Variants in DDX60 observed in about 807,000 individuals in gnomAD.
DDX60 encodes DExD/H-box helicase 60.
DDX60 carries 165 observed loss-of-function variants against 212.8 expected under a neutral mutation model. The observed-to-expected ratio is 0.78, with a 90% CI of 0.68 to 0.88. DDX60 has a LOEUF of 0.88. DDX60 is among the 40% of genes least tolerant of loss of function. The probability of loss-of-function intolerance (pLI) is 0.00; values close to 1 mark genes in which losing one functional copy is unlikely to be tolerated. For missense variants in DDX60, 1,905 were observed against 2,003.9 expected, an observed-to-expected ratio of 0.95 and a Z score of 0.94; for synonymous variants, 703 against 685.3, an observed-to-expected ratio of 1.03 and a Z score of -0.40.
chr4:168,248,700 A>ATG (rs1734106364), intron 28 of DDX60, among the ~76,000 whole-genome samples: 2 of 152,132 alleles, frequency 1.3e-5, no homozygotes, highest in African/African-American at 4.8e-5. Flanking sequence ...ACTCCAAGCA[A>ATG]GATTCATTAT....
At chr4:168,236,659 A>G (rs955886831) in intron 32 of DDX60, among the ~76,000 whole-genome samples, 25 of 151,998 alleles carry the variant, frequency 1.6e-4, no homozygotes, top group African/African-American at 5.5e-4. Flanking sequence ...TTTAAGAACT[A>G]CCATATAGAT....
intron 6 of DDX60, among the ~76,000 whole-genome samples, chr4:168,296,971 C>T (rs1033205355): frequency 5.3e-5 from 8 of 149,572 alleles, no homozygotes; most frequent in Non-Finnish European, 1.2e-4. Context: ...CTCCTGGGTT[C>T]GGCAATCTCA....
intron 33 of DDX60, among the ~76,000 whole-genome samples, chr4:168,230,755 C>T (rs1234352204): frequency 2.0e-5 from 3 of 152,042 alleles, no homozygotes; most frequent in African/African-American, 7.2e-5. Context: ...CAAAAATAGA[C>T]AATCTAAGGT....
At chr4:168,297,328 AAG>A (rs1434303938) in intron 6 of DDX60, among the ~76,000 whole-genome samples, 2 of 79,090 alleles carry the variant, frequency 2.5e-5, no homozygotes, top group Admixed American at 2.4e-4. Context: ...GAAAGAAAGA[AAG>A]AAAGAAAGAA....
chr4:168,238,596 T>C (rs937647424), intron 30 of DDX60, among the ~76,000 whole-genome samples: 20 of 151,934 alleles, frequency 1.3e-4, no homozygotes, highest in African/African-American at 4.8e-4. Context: ...TGGGATGATA[T>C]TTTTGAGGGC....
chr4:168,244,435 G>A (rs1423564186), intron 30 of DDX60, among the ~76,000 whole-genome samples: 1 of 152,072 alleles, frequency 6.6e-6, no homozygotes, highest in Admixed American at 6.6e-5. Flanking sequence ...GAGTAGTAAA[G>A]AATTTCAGGG....
intron 36 of DDX60, 138 bp downstream of exon 36, chr4:168,221,592 A>T (rs1264812421): frequency 3.4e-6 from 3 of 892,802 alleles, no homozygotes; most frequent in African/African-American, 1.7e-5. Flanking sequence ...CTCTAAAAAA[A>T]ATCAATCTAG....
At chr4:168,315,054 T>C (rs1737304747) in intron 1 of DDX60, among the ~76,000 whole-genome samples, 1 of 152,224 alleles carries the variant, frequency 6.6e-6, no homozygotes, top group Non-Finnish European at 1.5e-5. Context: ...ACTTGCATTT[T>C]AATCTTGGTT....
chr4:168,285,435 T>C lies in DDX60; in HGVS notation c.1403A>G (p.Lys468Arg). Residue 468 changes from lysine to arginine, a missense_variant, in exon 11 of 38, where the codon AAA becomes AGA. Lys to Arg is a conservative substitution (Grantham distance 26). Transcript: ENST00000393743. ...ATCTTTCAAAATATCTCCAGCAAAT[T>C]TATCAACCACAAAAGATGACGTTGG... ...FIPTSSFVVD[K>R]FAGDILKDLP... The C allele has an allele frequency of 6.2e-7, 1 of 1,611,908 alleles. No individual in the cohort carries two copies. Among genetic ancestry groups the C allele is most frequent in the Admixed American group, 1.7e-5 (1 of 59,850 alleles).
chr4:168,236,153 T>G, intron 33 of DDX60, 99 bp downstream of exon 33: 3 of 1,123,256 alleles, frequency 2.7e-6, no homozygotes, highest in Non-Finnish European at 3.8e-6. Context: ...ACAAATGAAC[T>G]GCCCTTTGAA....
At chr4:168,229,125 C>T (rs1414670155) in intron 33 of DDX60, among the ~76,000 whole-genome samples, 1 of 151,996 alleles carries the variant, frequency 6.6e-6, no homozygotes, top group Non-Finnish European at 1.5e-5. Flanking sequence ...CCAGGAAAGC[C>T]AAGAGAATCC....
At chr4:168,252,407 G>A (rs1734252975) in intron 27 of DDX60, 102 bp downstream of exon 27, 1 of 1,347,380 alleles carries the variant, frequency 7.4e-7, no homozygotes, top group Non-Finnish European at 1.0e-6. Flanking sequence ...TATTAATTAT[G>A]TATTATATTA....
intron 25 of DDX60, among the ~76,000 whole-genome samples, chr4:168,256,759 C>T (rs144402062): frequency 2.1e-3 from 318 of 152,228 alleles, no homozygotes; most frequent in African/African-American, 6.7e-3. Context: ...CTGCAAGTAG[C>T]CAGTAGCTAT....
In DDX60 at chr4:168,264,894, A is replaced by C. The variant is rs543451545; in HGVS notation, c.3040-2107T>G. Among the ~76,000 whole-genome samples, 9 of 152,354 alleles carry C rather than the reference A, an allele frequency of 5.9e-5. No individual in the cohort carries two copies. In the East Asian group the frequency reaches 1.7e-3, roughly 29 times the overall value. ...AGAAAATGAAGAGAAATAAAAGGTC[A>C]CAGATTTGTACCATTCTTTATTTAT... On this transcript the variant is annotated intron_variant, in intron 22 of 37. Coordinates refer to ENST00000393743, the MANE Select transcript of DDX60 (RefSeq NM_017631.6).
chr4:168,305,528 T>C (rs1399079948), intron 5 of DDX60, among the ~76,000 whole-genome samples: 1 of 150,720 alleles, frequency 6.6e-6, no homozygotes, highest in African/African-American at 2.4e-5. Flanking sequence ...TATAAATAGC[T>C]ATATTATTTA....
Position 168,300,123 on chromosome 4 carries a change from T to C in DDX60, c.723+2177A>G, listed in dbSNP as rs185707684. ...CTAAGTTGGATTTATTCCAGTAATATAGAGTTGCTTCAATACAGGGAAAAT... is the reference window on the plus strand; with the variant it reads ...CTAAGTTGGATTTATTCCAGTAATACAGAGTTGCTTCAATACAGGGAAAAT... On this transcript the variant is annotated intron_variant, in intron 6 of 37. Coordinates refer to ENST00000393743, the MANE Select transcript of DDX60 (RefSeq NM_017631.6). Among the ~76,000 whole-genome samples the C allele has an allele frequency of 1.8e-4, 27 of 150,544 alleles. No homozygotes were observed. In the East Asian group the frequency reaches 5.2e-3, roughly 29 times the overall value.
At chr4:168,252,424 T>C (rs2149506000) in intron 27 of DDX60, 85 bp downstream of exon 27, 1 of 1,473,658 alleles carries the variant, frequency 6.8e-7, no homozygotes, top group Non-Finnish European at 9.4e-7. Flanking sequence ...ATTATGCATA[T>C]ATCTTATTAA....
intron 6 of DDX60, 51 bp downstream of exon 6, chr4:168,302,249 T>C: frequency 1.0e-6 from 1 of 998,640 alleles, no homozygotes; most frequent in Admixed American, 3.1e-5. Context: ...GCAACTTTTC[T>C]ATAACTAAAA....
At chr4:168,291,705 A>G in intron 8 of DDX60, 43 bp downstream of exon 8, 1 of 1,476,684 alleles carries the variant, frequency 6.8e-7, no homozygotes, top group Non-Finnish European at 9.0e-7. Context: ...TCTATCAAAC[A>G]TTCAAAACAC....
Sources: gnomAD v4.1 joint callset for allele counts (sites outside exome capture counted in the v4.1 genomes callset) on GRCh38, gnomAD v4.1.1 for gene constraint, MANE v1.5 for transcripts, NCBI Gene and HGNC (gene_info 2026-07-23, HGNC 2026-07-21) for gene names.